The following CSMD1 variants were observed in gnomAD, a reference collection of about 807,000 sequenced individuals.
CSMD1 encodes the protein CUB and Sushi multiple domains 1, also known as CUB and sushi domain-containing protein 1.
A neutral mutation model predicts 417.5 loss-of-function variants in CSMD1; 213 were observed. That is an observed-to-expected ratio of 0.51 (90% CI 0.46 to 0.57). The LOEUF is 0.57. Ranked by LOEUF, CSMD1 falls within the 20% of genes least tolerant of loss-of-function variation. The pLI is 0.00. For missense variants in CSMD1, 6,923 were observed against 4,529.7 expected, an observed-to-expected ratio of 1.53 and a Z score of -15.17; for synonymous variants, 2,862 against 1,736.8, an observed-to-expected ratio of 1.65 and a Z score of -16.11.
intron 3 of CSMD1, among the ~76,000 whole-genome samples, chr8:4,187,453 G>C (rs775009260): frequency 1.3e-5 from 2 of 152,094 alleles, no homozygotes; most frequent in Admixed American, 1.3e-4. Flanking sequence ...AGACCAGCCT[G>C]ATCAACATGG....
intron 10 of CSMD1, among the ~76,000 whole-genome samples, chr8:3,564,611 C>T (rs12681260): frequency 0.34 from 51,842 of 150,778 alleles, 9,141 homozygotes; most frequent in Middle Eastern, 0.43. Flanking sequence ...TATTTCTCAG[C>T]TCCAAGAGGA....
At chr8:4,716,086 G>T (rs1169576164) in intron 1 of CSMD1, among the ~76,000 whole-genome samples, 1 of 152,158 alleles carries the variant, frequency 6.6e-6, no homozygotes, top group Non-Finnish European at 1.5e-5. Context: ...AGCTGGGTTG[G>T]GGGCAGGGAC....
At chr8:3,270,670 C>A (rs921535677) in intron 26 of CSMD1, among the ~76,000 whole-genome samples, 34 of 152,268 alleles carry the variant, frequency 2.2e-4, no homozygotes, top group Admixed American at 1.4e-3. Flanking sequence ...TCAAGTACTT[C>A]TGATAATAAA....
intron 26 of CSMD1, among the ~76,000 whole-genome samples, chr8:3,264,106 C>A (rs772593275): frequency 6.6e-6 from 1 of 152,096 alleles, no homozygotes; most frequent in Non-Finnish European, 1.5e-5. Context: ...AACATTTATT[C>A]ACCTCAATAA....
chr8:4,830,088 G>A (rs1334948956), intron 1 of CSMD1, among the ~76,000 whole-genome samples: 1 of 152,110 alleles, frequency 6.6e-6, no homozygotes, highest in East Asian at 1.9e-4. Flanking sequence ...GGATACCCAG[G>A]TACTGAAGAG....
At chr8:4,975,886 G>T (rs62489455) in intron 1 of CSMD1, among the ~76,000 whole-genome samples, 23,354 of 152,062 alleles carry the variant, frequency 0.15, 2,102 homozygotes, top group African/African-American at 0.24. Context: ...ACCAATTAGA[G>T]GATTAAATAG....
At chr8:4,829,243 C>A (rs940525860) in intron 1 of CSMD1, among the ~76,000 whole-genome samples, 7 of 152,102 alleles carry the variant, frequency 4.6e-5, no homozygotes, top group Non-Finnish European at 7.4e-5. Context: ...AAAACATTAA[C>A]CATTTTAATA....
At chr8:4,577,156 T>G (rs1799177759) in intron 2 of CSMD1, among the ~76,000 whole-genome samples, 2 of 152,350 alleles carry the variant, frequency 1.3e-5, no homozygotes, top group South Asian at 2.1e-4. Flanking sequence ...GGGTTTTTTT[T>G]GCACTGATTT....
intron 25 of CSMD1, among the ~76,000 whole-genome samples, chr8:3,286,495 C>T (rs922547682): frequency 1.3e-5 from 2 of 151,980 alleles, no homozygotes; most frequent in Admixed American, 6.6e-5. Context: ...CCTGTTTTTT[C>T]CTGACTTGTT....
intron 2 of CSMD1, among the ~76,000 whole-genome samples, chr8:4,479,390 G>A (rs1800969170): frequency 6.6e-6 from 1 of 151,860 alleles, no homozygotes. Context: ...ATAGTTAGCA[G>A]GTAGAGCTTT....
At chr8:4,441,095 G>GTTTTTGTTTT (rs1798444278) in intron 2 of CSMD1, among the ~76,000 whole-genome samples, 2 of 51,296 alleles carry the variant, frequency 3.9e-5, no homozygotes, top group African/African-American at 1.3e-4. Flanking sequence ...TAATCAAAAG[G>GTTTTTGTTTT]TTTTTTTTTT....
intron 10 of CSMD1, among the ~76,000 whole-genome samples, chr8:3,509,558 A>T (rs1296186385): frequency 6.6e-6 from 1 of 152,204 alleles, no homozygotes. Flanking sequence ...ATTTTATTCA[A>T]TTCCAATTTT....
At chr8:3,142,067 G>C (rs542158449) in intron 41 of CSMD1, among the ~76,000 whole-genome samples, 1 of 152,152 alleles carries the variant, frequency 6.6e-6, no homozygotes, top group African/African-American at 2.4e-5. Flanking sequence ...AAAGTGCTGG[G>C]ATTACAGGCG....
At chr8:4,741,935 G>C (rs1034316365) in intron 1 of CSMD1, among the ~76,000 whole-genome samples, 3 of 145,174 alleles carry the variant, frequency 2.1e-5, no homozygotes, top group African/African-American at 7.6e-5. Flanking sequence ...CTGGGCTCAA[G>C]GAATCTTCCC....
At chr8:4,224,633 C>T (rs1436388566) in intron 3 of CSMD1, among the ~76,000 whole-genome samples, 1 of 152,194 alleles carries the variant, frequency 6.6e-6, no homozygotes, top group South Asian at 2.1e-4. Flanking sequence ...GAATTTTCAT[C>T]CATAGTGAAG....
intron 5 of CSMD1, among the ~76,000 whole-genome samples, chr8:3,969,331 G>A (rs2627457): frequency 3.3e-5 from 5 of 152,054 alleles, no homozygotes; most frequent in Non-Finnish European, 7.4e-5. Flanking sequence ...CCATGCTCTC[G>A]CTACTTGCTT....
chr8:4,717,939 A>T (rs948313629), intron 1 of CSMD1, among the ~76,000 whole-genome samples: 33 of 152,208 alleles, frequency 2.2e-4, no homozygotes, highest in African/African-American at 8.0e-4. Context: ...AAACAGTGGC[A>T]AACAATAGTA....
intron 1 of CSMD1, among the ~76,000 whole-genome samples, chr8:4,661,888 G>C (rs1433123717): frequency 1.3e-5 from 2 of 152,134 alleles, no homozygotes; most frequent in Admixed American, 1.3e-4. Context: ...AGCATGCTGA[G>C]ACAAGAATAT....
At chr8:4,326,513 G>T (rs748711751) in intron 3 of CSMD1, among the ~76,000 whole-genome samples, 13 of 152,282 alleles carry the variant, frequency 8.5e-5, no homozygotes, top group African/African-American at 3.1e-4. Flanking sequence ...GTCCATAAAC[G>T]AGAGGTAGTG....
Sources: gnomAD v4.1 joint callset for allele counts (sites outside exome capture counted in the v4.1 genomes callset) on GRCh38, gnomAD v4.1.1 for gene constraint, MANE v1.5 for transcripts, NCBI Gene and HGNC (gene_info 2026-07-23, HGNC 2026-07-21) for gene names.